The following GRM3 variants were observed in gnomAD, a reference collection of about 807,000 sequenced individuals.
GRM3 encodes glutamate metabotropic receptor 3.
A neutral mutation model predicts 70.5 loss-of-function variants in GRM3; 26 were observed. The observed-to-expected ratio is 0.37, with a 90% CI of 0.27 to 0.51. GRM3 has a LOEUF of 0.51. Among genes scored for constraint, GRM3 ranks in the 20% least tolerant of loss-of-function variants. GRM3 has a pLI of 0.93. For synonymous variants in GRM3, 443 were observed against 434.9 expected (o/e 1.02, Z -0.23); for missense variants, 859 against 1,123.8 (o/e 0.76, Z 3.37).
At chr7:86,759,569 T>C (rs1306473466) in intron 1 of GRM3, among the ~76,000 whole-genome samples, 3 of 152,156 alleles carry the variant, frequency 2.0e-5, no homozygotes, top group Admixed American at 1.3e-4. Context: ...TAGAGTATGC[T>C]CCTTGATATA....
At chr7:86,708,970 T>G (rs117918535) in intron 1 of GRM3, among the ~76,000 whole-genome samples, 12,034 of 151,670 alleles carry the variant, frequency 0.079, 667 homozygotes, top group Non-Finnish European at 0.11. Flanking sequence ...CAAACAGAGT[T>G]AAAAAAAATC....
chr7:86,701,501 C>A (rs1794945651), intron 1 of GRM3, among the ~76,000 whole-genome samples: 1 of 151,802 alleles, frequency 6.6e-6, no homozygotes, highest in Non-Finnish European at 1.5e-5. Context: ...TACAATGTTG[C>A]TAAAACTGTT....
At chr7:86,798,679 G>T (rs1274999253) in intron 3 of GRM3, among the ~76,000 whole-genome samples, 1 of 152,160 alleles carries the variant, frequency 6.6e-6, no homozygotes, top group Admixed American at 6.5e-5. Context: ...GGGACTCTTG[G>T]AAATGCATGA....
chr7:86,667,070 G>A lies in GRM3; in HGVS notation c.-141+22198G>A, dbSNP rs181722043. 8.0e-4 allele frequency among the ~76,000 whole-genome samples: 122 copies of A among 152,248 alleles called. No homozygotes were observed. The Middle Eastern group carries it at 0.02, about 25-fold the overall frequency. The stretch of plus-strand genomic sequence containing the variant: ...CAGTACCTCTGACAGGAAGGAGGCA[G>A]CAGGAAGCAACTTATCAAATCAAAG... On this transcript the variant is annotated intron_variant, in intron 1 of 5. Coordinates refer to ENST00000361669, the MANE Select transcript of GRM3 (RefSeq NM_000840.3).
chr7:86,665,144 C>A (rs147733304), intron 1 of GRM3, among the ~76,000 whole-genome samples: 1 of 151,882 alleles, frequency 6.6e-6, no homozygotes, highest in Non-Finnish European at 1.5e-5. Flanking sequence ...CTTTTCGTTC[C>A]GTTTTATTCC....
At chr7:86,683,108 G>T (rs1794481147) in intron 1 of GRM3, among the ~76,000 whole-genome samples, 1 of 152,172 alleles carries the variant, frequency 6.6e-6, no homozygotes, top group Non-Finnish European at 1.5e-5. Flanking sequence ...ATCTAGATGA[G>T]CCATGGTAGG....
At chr7:86,752,902 C>A (rs185034391) in intron 1 of GRM3, among the ~76,000 whole-genome samples, 9 of 152,050 alleles carry the variant, frequency 5.9e-5, no homozygotes, top group Non-Finnish European at 1.2e-4. Context: ...AGTAAGGATG[C>A]TAACATTTTC....
At chr7:86,782,451 G>A (rs1214095287) in intron 2 of GRM3, among the ~76,000 whole-genome samples, 1 of 152,054 alleles carries the variant, frequency 6.6e-6, no homozygotes, top group Non-Finnish European at 1.5e-5. Flanking sequence ...GAGGGATGGA[G>A]CAGCATCTTT....
intron 3 of GRM3, among the ~76,000 whole-genome samples, chr7:86,832,698 T>G (rs1436153733): frequency 6.6e-6 from 1 of 152,164 alleles, no homozygotes. Flanking sequence ...AATAATGAAT[T>G]TAATCTCTCC....
At chr7:86,857,956 TTA>T (rs1476066998) in intron 5 of GRM3, among the ~76,000 whole-genome samples, 1 of 147,320 alleles carries the variant, frequency 6.8e-6, no homozygotes, top group African/African-American at 2.6e-5. Flanking sequence ...TTATTTTATT[TTA>T]TTTTATTTTA....
intron 1 of GRM3, among the ~76,000 whole-genome samples, chr7:86,740,026 C>T (rs939678190): frequency 6.6e-6 from 1 of 152,080 alleles, no homozygotes; most frequent in African/African-American, 2.4e-5. Context: ...AAAACATTAG[C>T]TATTATATAT....
intron 1 of GRM3, among the ~76,000 whole-genome samples, chr7:86,756,429 T>C (rs1355477526): frequency 6.6e-6 from 1 of 152,148 alleles, no homozygotes; most frequent in African/African-American, 2.4e-5. Context: ...AAATGTCTGT[T>C]CTAATTGCCT....
intron 3 of GRM3, 115 bp downstream of exon 3, chr7:86,787,231 C>A: frequency 1.2e-6 from 1 of 866,530 alleles, no homozygotes; most frequent in Non-Finnish European, 1.8e-6. Context: ...AAAAAGGGTT[C>A]AAACTGTTAA....
At chr7:86,745,577 A>AT (rs1468501985) in intron 1 of GRM3, among the ~76,000 whole-genome samples, 5 of 152,086 alleles carry the variant, frequency 3.3e-5, no homozygotes, top group African/African-American at 1.2e-4. Context: ...TTACAACATA[A>AT]TGTGAATGAC....
At chr7:86,678,849 A>G (rs1350172260) in intron 1 of GRM3, among the ~76,000 whole-genome samples, 1 of 152,056 alleles carries the variant, frequency 6.6e-6, no homozygotes, top group Non-Finnish European at 1.5e-5. Context: ...TTCTGCTTTC[A>G]TGATAAGGTT....
rs190111518 is a variant in GRM3, at chr7:86,745,008, T to C, written c.-140-19998T>C. Among the ~76,000 whole-genome samples, 486 of 152,112 alleles carry C rather than the reference T, an allele frequency of 3.2e-3. 3 individuals carry two copies. Among genetic ancestry groups the C allele is most frequent in the African/African-American group, 0.011 (454 of 41,512 alleles). Reference sequence around the variant, plus strand: ...GTTGTCTTGGCATTTCATGATCTAGTGTGATAAATGGCTGATTTATGATGT... The same window carrying C: ...GTTGTCTTGGCATTTCATGATCTAGCGTGATAAATGGCTGATTTATGATGT... On this transcript the variant is annotated intron_variant, in intron 1 of 5. Transcript: ENST00000361669.
chr7:86,723,404 C>T (rs182261773), intron 1 of GRM3, among the ~76,000 whole-genome samples: 27 of 152,134 alleles, frequency 1.8e-4, no homozygotes, highest in African/African-American at 6.3e-4. Context: ...TGGCTGAGCC[C>T]CATTTTAACT....
chr7:86,853,591 G>A (rs1179905092), intron 5 of GRM3, among the ~76,000 whole-genome samples: 1 of 152,094 alleles, frequency 6.6e-6, no homozygotes, highest in African/African-American at 2.4e-5. Context: ...TATAATGTTA[G>A]CACTTTATTT....
intron 1 of GRM3, among the ~76,000 whole-genome samples, chr7:86,703,104 G>T (rs1239173950): frequency 1.3e-5 from 2 of 151,614 alleles, no homozygotes; most frequent in Non-Finnish European, 2.9e-5. Context: ...AATATGTTGG[G>T]GTTTTTTTTC....
Sources: gnomAD v4.1 joint callset for allele counts (sites outside exome capture counted in the v4.1 genomes callset) on GRCh38, gnomAD v4.1.1 for gene constraint, MANE v1.5 for transcripts, NCBI Gene and HGNC (gene_info 2026-07-23, HGNC 2026-07-21) for gene names.